The following NPAS3 variants were observed in gnomAD, a reference collection of about 807,000 sequenced individuals.
NPAS3 encodes the protein neuronal PAS domain protein 3, also known as neuronal PAS domain-containing protein 3.
NPAS3 carries 14 observed loss-of-function variants against 73.1 expected under a neutral mutation model. That is an observed-to-expected ratio of 0.19 (90% confidence interval 0.13 to 0.30). The LOEUF (loss-of-function observed/expected upper bound fraction) is 0.30. NPAS3 is among the 10% of genes least tolerant of loss of function. NPAS3 has a pLI of 1.00. For missense variants in NPAS3, 1,096 were observed against 1,250.0 expected, an observed-to-expected ratio of 0.88 and a Z score of 1.86; for synonymous variants, 620 against 541.5, an observed-to-expected ratio of 1.14 and a Z score of -2.01.
intron 3 of NPAS3, among the ~76,000 whole-genome samples, chr14:33,315,267 A>G (rs1251699701): frequency 1.3e-5 from 2 of 152,130 alleles, no homozygotes; most frequent in Admixed American, 1.3e-4. Flanking sequence ...AAAATACAAA[A>G]CTATGTGTGA....
chr14:33,244,145 A>G (rs1331926557), intron 3 of NPAS3, among the ~76,000 whole-genome samples: 1 of 151,984 alleles, frequency 6.6e-6, no homozygotes, highest in East Asian at 1.9e-4. Context: ...TGTTAAAAAA[A>G]AAAAAAACTA....
intron 4 of NPAS3, among the ~76,000 whole-genome samples, chr14:33,531,298 C>T (rs1194741460): frequency 6.6e-6 from 1 of 152,114 alleles, no homozygotes; most frequent in Non-Finnish European, 1.5e-5. Context: ...CCACCCATCA[C>T]AATCTACATA....
At chr14:33,425,593 T>C (rs925146649) in intron 4 of NPAS3, among the ~76,000 whole-genome samples, 2 of 150,490 alleles carry the variant, frequency 1.3e-5, no homozygotes, top group African/African-American at 2.5e-5. Context: ...TGACATGTAA[T>C]AGACACTAGC....
intron 4 of NPAS3, among the ~76,000 whole-genome samples, chr14:33,538,892 T>C (rs1162577050): frequency 6.6e-6 from 1 of 152,222 alleles, no homozygotes; most frequent in East Asian, 1.9e-4. Flanking sequence ...TTCTATAATT[T>C]ACAAATCTGT....
intron 4 of NPAS3, among the ~76,000 whole-genome samples, chr14:33,522,804 T>A (rs2053614991): frequency 6.6e-6 from 1 of 152,204 alleles, no homozygotes; most frequent in East Asian, 1.9e-4. Context: ...ATATGTTTTG[T>A]GCTTGCTGAG....
At chr14:33,691,010 C>A (rs201787213) in intron 6 of NPAS3, among the ~76,000 whole-genome samples, 1 of 152,178 alleles carries the variant, frequency 6.6e-6, no homozygotes, top group African/African-American at 2.4e-5. Flanking sequence ...TTATCCTAAG[C>A]CTTAACCTTA....
intron 4 of NPAS3, among the ~76,000 whole-genome samples, chr14:33,541,252 C>T (rs755150360): frequency 1.4e-4 from 21 of 152,114 alleles, no homozygotes; most frequent in Non-Finnish European, 2.4e-4. Flanking sequence ...GTAAATTATG[C>T]ACCTTTTAGT....
intron 7 of NPAS3, among the ~76,000 whole-genome samples, chr14:33,749,947 G>T (rs1312401473): frequency 1.3e-5 from 2 of 152,122 alleles, no homozygotes; most frequent in African/African-American, 4.8e-5. Context: ...AAGAGCCCAG[G>T]AAACACTTTG....
At chr14:33,695,388 A>G (rs1210788067) in intron 6 of NPAS3, among the ~76,000 whole-genome samples, 1 of 152,194 alleles carries the variant, frequency 6.6e-6, no homozygotes, top group Non-Finnish European at 1.5e-5. Flanking sequence ...TGAAAATAAT[A>G]CACTGTCTAA....
intron 3 of NPAS3, among the ~76,000 whole-genome samples, chr14:33,326,472 C>T (rs2043711733): frequency 6.6e-6 from 1 of 152,178 alleles, no homozygotes; most frequent in Non-Finnish European, 1.5e-5. Context: ...GCCTCCATCT[C>T]CTTATCTGAG....
At chr14:33,082,622 A>G (rs536895487) in intron 2 of NPAS3, among the ~76,000 whole-genome samples, 1 of 152,312 alleles carries the variant, frequency 6.6e-6, no homozygotes, top group African/African-American at 2.4e-5. Context: ...TACCTCAAAC[A>G]AGAAGTTGCT....
At chr14:33,617,187 C>T (rs889077562) in intron 5 of NPAS3, among the ~76,000 whole-genome samples, 1 of 152,152 alleles carries the variant, frequency 6.6e-6, no homozygotes, top group African/African-American at 2.4e-5. Context: ...TTCCTTTACA[C>T]TAAACAAAAA....
intron 1 of NPAS3, among the ~76,000 whole-genome samples, chr14:32,970,472 T>G (rs17525387): frequency 0.15 from 23,337 of 152,124 alleles, 1,973 homozygotes; most frequent in African/African-American, 0.23. Context: ...TCAGAAAAAT[T>G]CACACAACAC....
intron 7 of NPAS3, among the ~76,000 whole-genome samples, chr14:33,773,386 C>T (rs2062714408): frequency 6.6e-6 from 1 of 152,172 alleles, no homozygotes; most frequent in African/African-American, 2.4e-5. Flanking sequence ...GGGAACACAG[C>T]TAGAGTTGAT....
At chr14:33,649,325 C>T (rs1013566337) in intron 5 of NPAS3, among the ~76,000 whole-genome samples, 1 of 152,152 alleles carries the variant, frequency 6.6e-6, no homozygotes, top group Non-Finnish European at 1.5e-5. Context: ...TCACCCTGCC[C>T]GTTGACAAAA....
At chr14:33,035,706 T>TA (rs1257149920) in intron 1 of NPAS3, among the ~76,000 whole-genome samples, 1 of 152,222 alleles carries the variant, frequency 6.6e-6, no homozygotes, top group Non-Finnish European at 1.5e-5. Context: ...TGGAACTGTC[T>TA]AGTCTACAAA....
chr14:33,519,653 TTAAG>T (rs1265720409), intron 4 of NPAS3, among the ~76,000 whole-genome samples: 6 of 152,146 alleles, frequency 3.9e-5, no homozygotes, highest in Admixed American at 2.0e-4. Context: ...TATTGGCAGA[TTAAG>T]TGAGATGTAA....
chr14:33,061,173 G>T (rs1959178), intron 2 of NPAS3, among the ~76,000 whole-genome samples: 5 of 152,066 alleles, frequency 3.3e-5, no homozygotes, highest in African/African-American at 1.2e-4. Flanking sequence ...GCTGGGGGGA[G>T]GATGGTCACC....
intron 7 of NPAS3, 27 bp downstream of exon 7, chr14:33,735,359 T>C (rs961274871): frequency 6.1e-6 from 9 of 1,482,372 alleles, no homozygotes; most frequent in Middle Eastern, 1.7e-4. Context: ...AGGGGAGACA[T>C]TGCTGTCTCA....
Sources: allele counts gnomAD v4.1 joint callset (sites outside exome capture counted in the v4.1 genomes callset), GRCh38; gene constraint gnomAD v4.1.1; transcripts MANE v1.5; gene names NCBI Gene and HGNC (gene_info 2026-07-23, HGNC 2026-07-21).